The following CWF19L2 variants were observed in gnomAD, a reference collection of about 807,000 sequenced individuals.
CWF19L2 encodes the protein CWF19-like protein 2.
In CWF19L2, 98 loss-of-function variants were observed where a neutral mutation model predicts 111.7. The observed-to-expected ratio is 0.88, with a 90% CI of 0.75 to 1.04. CWF19L2 has a LOEUF of 1.04. Ranked by LOEUF, CWF19L2 falls within the 50% of genes least tolerant of loss-of-function variation. CWF19L2 has a pLI of 0.00. For missense variants in CWF19L2, 1,101 were observed against 1,051.4 expected, an observed-to-expected ratio of 1.05 and a Z score of -0.65; for synonymous variants, 351 against 342.9, an observed-to-expected ratio of 1.02 and a Z score of -0.26.
chr11:107,370,768 T>C lies in CWF19L2; in HGVS notation c.1873-17032A>G, dbSNP rs1860495782. On this transcript the variant is annotated intron_variant, in intron 12 of 17. Coordinates refer to ENST00000282251, the MANE Select transcript of CWF19L2 (RefSeq NM_152434.3). Reference sequence around the variant, plus strand: ...AGTAAATAAAAATAAACTTTAATGTTGGCTTTGACAAACAGGTGGCAATGT... The same window carrying C: ...AGTAAATAAAAATAAACTTTAATGTCGGCTTTGACAAACAGGTGGCAATGT... 1.5e-5 allele frequency among the ~76,000 whole-genome samples: 2 copies of C among 137,318 alleles called. 1 individual carries two copies. Among genetic ancestry groups the C allele is most frequent in the South Asian group, 4.9e-4 (2 of 4,090 alleles). The allele number at this position is 137,318 out of a possible 152,430, so 90.1% of individuals were successfully genotyped here. A position where few individuals can be genotyped will look rare whatever the true frequency, so the allele number is the denominator to read the frequency against.
At position 107,401,583 on chromosome 11, in the gene CWF19L2, C is replaced by T. The variant is rs139808756; in HGVS notation, c.1618-8688G>A. Among the ~76,000 whole-genome samples, 893 of 152,116 alleles carry T rather than the reference C, an allele frequency of 5.9e-3. 8 individuals are homozygous for T. Among genetic ancestry groups the T allele is most frequent in the Middle Eastern group, 0.01 (3 of 294 alleles). Reference sequence around the variant, plus strand: ...AAACACTGCTGAAAGAAATCACAGACGACACAAACAAATAGAATCACATCC... The same window carrying T: ...AAACACTGCTGAAAGAAATCACAGATGACACAAACAAATAGAATCACATCC... On this transcript the variant is annotated intron_variant, in intron 10 of 17. Transcript: ENST00000282251.
At position 107,374,041 on chromosome 11, in the gene CWF19L2, G is replaced by A. The variant is rs1483908362; in HGVS notation, c.1872+16033C>T. 1.5e-5 allele frequency among the ~76,000 whole-genome samples: 2 copies of A among 137,208 alleles called. 1 individual carries two copies. Among genetic ancestry groups the A allele is most frequent in the East Asian group, 4.2e-4 (2 of 4,740 alleles). The allele number at this position is 137,208 out of a possible 152,430, so 90.0% of individuals were successfully genotyped here. A position where few individuals can be genotyped will look rare whatever the true frequency, so the allele number is the denominator to read the frequency against. On this transcript the variant is annotated intron_variant, in intron 12 of 17. Coordinates refer to ENST00000282251, the MANE Select transcript of CWF19L2 (RefSeq NM_152434.3). ...ATCAGCAATGGAAGATGAACTGAAT[G>A]AAATGAAACGAGAAGGGAAGTTTAG...
chr11:107,406,839 T>C lies in CWF19L2; in HGVS notation c.1617+9370A>G, dbSNP rs140519672. On this transcript the variant is annotated intron_variant, in intron 10 of 17. Transcript: ENST00000282251. ...TCCTTTGTATATCGTATCTACTCTT[T>C]GTTATGTTCTCTCTTATCTCTTCTG... Among the ~76,000 whole-genome samples, 248 of 151,800 alleles carry C rather than the reference T, an allele frequency of 1.6e-3. 2 individuals carry two copies. Among genetic ancestry groups the C allele is most frequent in the Admixed American group, 0.015 (227 of 15,242 alleles).
intron 10 of CWF19L2, among the ~76,000 whole-genome samples, chr11:107,407,074 G>A (rs1861089824): frequency 6.6e-6 from 1 of 151,498 alleles, no homozygotes; most frequent in Non-Finnish European, 1.5e-5. Context: ...CAGTATTCTG[G>A]AGTTTCACTC....
Position 107,336,814 on chromosome 11 carries a change from C to T in CWF19L2, c.2203-101G>A, listed in dbSNP as rs749921327. 8.0e-5 allele frequency: 52 copies of T among 648,688 alleles called. 1 individual carries two copies. Among genetic ancestry groups the T allele is most frequent in the Non-Finnish European group, 1.2e-4 (49 of 401,352 alleles). The allele number at this position is 648,688 out of a possible 1,614,324, so 40.2% of individuals were successfully genotyped here. On this transcript the variant is annotated intron_variant, in intron 14 of 17. Transcript: ENST00000282251. ...ATATGAAAACTTTAATAAAAAAGTA[C>T]AAATCCCTTTAAAATGAAAAATAAA... is the stretch of plus-strand genomic sequence containing the variant.
intron 10 of CWF19L2, among the ~76,000 whole-genome samples, chr11:107,393,771 A>T (rs186559271): frequency 6.6e-6 from 1 of 152,310 alleles, no homozygotes; most frequent in African/African-American, 2.4e-5. Context: ...CCTAAGTGAA[A>T]TAACTCAGGA....
At chr11:107,382,818 C>T (rs1860708455) in intron 12 of CWF19L2, among the ~76,000 whole-genome samples, 1 of 152,224 alleles carries the variant, frequency 6.6e-6, no homozygotes, top group African/African-American at 2.4e-5. Flanking sequence ...TCACCTGCCC[C>T]AAGGCAGGAC....
At chr11:107,440,171 T>A (rs1328248265) in intron 5 of CWF19L2, among the ~76,000 whole-genome samples, 3 of 152,066 alleles carry the variant, frequency 2.0e-5, no homozygotes, top group African/African-American at 7.2e-5. Context: ...GCTAAAGAAC[T>A]ACATACTAAT....
At position 107,428,133 on chromosome 11, in the gene CWF19L2, G is replaced by C. The variant is rs112027080; in HGVS notation, c.1433+666C>G. Among the ~76,000 whole-genome samples the C allele has an allele frequency of 1.7e-4, 26 of 152,024 alleles. 1 individual carries two copies. The highest frequency in any genetic ancestry group is 4.3e-4 in the African/African-American group (18 of 41,402). On this transcript the variant is annotated intron_variant, in intron 8 of 17. Coordinates refer to ENST00000282251, the MANE Select transcript of CWF19L2 (RefSeq NM_152434.3). The stretch of plus-strand genomic sequence containing the variant: ...TTTCTGGCTATCTCCAACAGGGCCA[G>C]CAAATTTCTAAAGCAAATTTTCTTA...
At chr11:107,392,988 G>T in intron 10 of CWF19L2, 93 bp from the exon 11 acceptor site, 1 of 771,046 alleles carries the variant, frequency 1.3e-6, no homozygotes. Context: ...AATGATTAAC[G>T]TTTCCACATA....
chr11:107,448,804 T>C (rs756872481), intron 3 of CWF19L2, among the ~76,000 whole-genome samples: 8 of 152,128 alleles, frequency 5.3e-5, no homozygotes, highest in Non-Finnish European at 1.0e-4. Context: ...TCTGAGGAAC[T>C]GAACCCTCAT....
At chr11:107,391,233 A>G (rs971864851) in intron 11 of CWF19L2, among the ~76,000 whole-genome samples, 37 of 152,150 alleles carry the variant, frequency 2.4e-4, no homozygotes, top group African/African-American at 8.7e-4. Context: ...CCCTTCATAT[A>G]TACATCTATC....
chr11:107,390,808 C>T (rs538544730), intron 11 of CWF19L2, among the ~76,000 whole-genome samples: 37 of 152,230 alleles, frequency 2.4e-4, no homozygotes, highest in African/African-American at 8.2e-4. Context: ...AAGTATTCTT[C>T]CTGGGTGTGT....
intron 12 of CWF19L2, among the ~76,000 whole-genome samples, chr11:107,384,859 CA>C (rs1860742537): frequency 6.6e-6 from 1 of 152,020 alleles, no homozygotes; most frequent in Admixed American, 6.5e-5. Flanking sequence ...AAAAGTTTGC[CA>C]ACCTCTAATG....
chr11:107,428,538 C>A (rs908672890), intron 8 of CWF19L2, among the ~76,000 whole-genome samples: 7 of 151,644 alleles, frequency 4.6e-5, no homozygotes, highest in African/African-American at 1.7e-4. Context: ...TTAACTCATT[C>A]AGTTTTTTAA....
chr11:107,454,591 G>C lies in CWF19L2; in HGVS notation c.217-19C>G. 7 of 1,294,788 alleles carry C rather than the reference G, an allele frequency of 5.4e-6. No individual in the cohort carries two copies. Among genetic ancestry groups the C allele is most frequent in the Non-Finnish European group, 6.9e-6 (7 of 1,015,644 alleles). The allele number at this position is 1,294,788 out of a possible 1,614,324, so 80.2% of individuals were successfully genotyped here. On this transcript the variant is annotated intron_variant, in intron 2 of 17. Transcript: ENST00000282251. ...AGTGTTCCTACAATCATTTTGAACA[G>C]GCAAGAAAATAATTTAATTTCATCT...
chr11:107,448,390 C>T (rs186496861), intron 3 of CWF19L2, among the ~76,000 whole-genome samples: 2 of 141,734 alleles, frequency 1.4e-5, no homozygotes, highest in Non-Finnish European at 3.1e-5. Flanking sequence ...CTGAAGCTCA[C>T]GACATAGCAA....
chr11:107,342,659 TG>T (rs2134533897), intron 14 of CWF19L2, among the ~76,000 whole-genome samples: 2 of 152,176 alleles, frequency 1.3e-5, no homozygotes, highest in South Asian at 4.1e-4. Flanking sequence ...TGCTGACTGA[TG>T]GTTATAGCAG....
chr11:107,398,652 C>G (rs923692319), intron 10 of CWF19L2, among the ~76,000 whole-genome samples: 1 of 152,270 alleles, frequency 6.6e-6, no homozygotes, highest in African/African-American at 2.4e-5. Context: ...TTGTGAGAGA[C>G]GTAGACAGCC....
Sources: gnomAD v4.1 joint callset for allele counts (sites outside exome capture counted in the v4.1 genomes callset) on GRCh38, gnomAD v4.1.1 for gene constraint, MANE v1.5 for transcripts, NCBI Gene and HGNC (gene_info 2026-07-23, HGNC 2026-07-21) for gene names.